Variants in FAM151B observed in about 807,000 individuals in gnomAD.
FAM151B encodes the protein protein FAM151B.
In FAM151B, 24 loss-of-function variants were observed where a neutral mutation model predicts 31.2. That is an observed-to-expected ratio of 0.77 (90% CI 0.56 to 1.08). The LOEUF is 1.08. Ranked by LOEUF, FAM151B falls within the 50% of genes least tolerant of loss-of-function variation. The pLI, the probability that FAM151B is intolerant of heterozygous loss-of-function variation, is 0.00. For missense variants in FAM151B, 293 were observed against 328.6 expected (o/e 0.89, Z 0.84); for synonymous variants, 105 against 111.4 (o/e 0.94, Z 0.36).
intron 2 of FAM151B, among the ~76,000 whole-genome samples, chr5:80,504,835 T>C (rs939770483): frequency 6.6e-6 from 1 of 152,106 alleles, no homozygotes; most frequent in Non-Finnish European, 1.5e-5. Flanking sequence ...TTTGTGCCCC[T>C]TTATAACCAC....
intron 5 of FAM151B, among the ~76,000 whole-genome samples, chr5:80,538,449 TC>T (rs1189001383): frequency 7.0e-5 from 2 of 28,676 alleles, no homozygotes; most frequent in African/African-American, 3.7e-4. Flanking sequence ...TCTTTCTTTC[TC>T]TTTCTTTCTT....
chr5:80,498,212 G>T (rs534268272), intron 1 of FAM151B, among the ~76,000 whole-genome samples: 22 of 152,192 alleles, frequency 1.4e-4, no homozygotes, highest in African/African-American at 5.1e-4. Flanking sequence ...TGATGGCCAT[G>T]TGTTGCCATC....
chr5:80,522,416 T>G (rs1744761496), intron 5 of FAM151B: 2 of 267,604 alleles, frequency 7.5e-6, no homozygotes. Flanking sequence ...TCATTATATA[T>G]TCACAAAAAA....
intron 1 of FAM151B, among the ~76,000 whole-genome samples, 165 bp downstream of exon 1, chr5:80,488,313 C>T (rs1743190327): frequency 6.6e-6 from 1 of 152,344 alleles, no homozygotes; most frequent in Admixed American, 6.5e-5. Context: ...GCACTCGGGG[C>T]GCGCCCGCGA....
chr5:80,503,163 A>G (rs1004955318), intron 2 of FAM151B, among the ~76,000 whole-genome samples: 1 of 152,244 alleles, frequency 6.6e-6, no homozygotes, highest in African/African-American at 2.4e-5. Flanking sequence ...AATGAAAAAA[A>G]TGATAGGAAA....
intron 2 of FAM151B, among the ~76,000 whole-genome samples, chr5:80,502,704 A>G (rs1381745881): frequency 6.6e-6 from 1 of 152,244 alleles, no homozygotes; most frequent in Non-Finnish European, 1.5e-5. Flanking sequence ...ATCTGGTCCA[A>G]CAAGAAATTA....
chr5:80,508,481 G>T (rs1744065972), intron 2 of FAM151B, among the ~76,000 whole-genome samples: 1 of 151,820 alleles, frequency 6.6e-6, no homozygotes, highest in South Asian at 2.1e-4. Flanking sequence ...AAGTGTATAT[G>T]AATTGGTATC....
At chr5:80,526,840 A>G (rs1400124118) in intron 5 of FAM151B, among the ~76,000 whole-genome samples, 4 of 152,070 alleles carry the variant, frequency 2.6e-5, no homozygotes, top group African/African-American at 9.7e-5. Context: ...TTGCCACACC[A>G]AAAGATGAGG....
intron 5 of FAM151B, among the ~76,000 whole-genome samples, chr5:80,538,446 T>TTCTC (rs200507737): frequency 4.1e-5 from 2 of 48,502 alleles, no homozygotes; most frequent in Middle Eastern, 9.6e-3. Flanking sequence ...CTTTCTTTCT[T>TTCTC]TCTCTTTCTT....
At chr5:80,538,399 T>C (rs1449300951) in intron 5 of FAM151B, among the ~76,000 whole-genome samples, 2 of 51,398 alleles carry the variant, frequency 3.9e-5, no homozygotes, top group African/African-American at 2.1e-4. Context: ...TTTCTTTCTT[T>C]CTTTCTTTCT....
chr5:80,528,768 A>G (rs1745087427), intron 5 of FAM151B, among the ~76,000 whole-genome samples: 1 of 151,982 alleles, frequency 6.6e-6, no homozygotes, highest in African/African-American at 2.4e-5. Flanking sequence ...AGAGACTTAG[A>G]TTCCCACACA....
Position 80,538,432 on chromosome 5 carries a change from CT to C in FAM151B, c.672-3238del, listed in dbSNP as rs1246846175. On this transcript the variant is annotated intron_variant, in intron 5 of 5. Coordinates refer to ENST00000282226, the MANE Select transcript of FAM151B (RefSeq NM_205548.3). Reference sequence around the variant, plus strand: ...TCTTTCTTTCTTTCTTTCTTTCTTTCTTTCTTTCTTTCTTTCTCTTTCTTTC... The same window carrying C: ...TCTTTCTTTCTTTCTTTCTTTCTTTCTTCTTTCTTTCTTTCTCTTTCTTTC... Among the ~76,000 whole-genome samples, 25 of 58,792 alleles carry C rather than the reference CT, an allele frequency of 4.3e-4. 1 individual carries two copies. Among genetic ancestry groups the C allele is most frequent in the African/African-American group, 2.3e-3 (25 of 11,104 alleles). The allele number at this position is 58,792 out of a possible 152,430, so 38.6% of individuals were successfully genotyped here.
chr5:80,528,531 A>G lies in FAM151B; in HGVS notation c.671+6393A>G, dbSNP rs1310345154. ...TGAAAAGGATGGAAAAAGATATTCCATGCCAATGGAAACCAAAAAAGAGCA... is the reference window on the plus strand; with the variant it reads ...TGAAAAGGATGGAAAAAGATATTCCGTGCCAATGGAAACCAAAAAAGAGCA... On this transcript the variant is annotated intron_variant, in intron 5 of 5. Coordinates refer to ENST00000282226, the MANE Select transcript of FAM151B (RefSeq NM_205548.3). Among the ~76,000 whole-genome samples, 6 of 152,164 alleles carry G rather than the reference A, an allele frequency of 3.9e-5. No individual in the cohort carries two copies. In the South Asian group the frequency reaches 1.2e-3, roughly 32 times the overall value.
intron 5 of FAM151B, among the ~76,000 whole-genome samples, chr5:80,536,325 C>T (rs1561382053): frequency 6.6e-6 from 1 of 151,054 alleles, no homozygotes; most frequent in Admixed American, 6.6e-5. Flanking sequence ...CGCCCGCCAC[C>T]AAGTCCAGCT....
chr5:80,499,379 T>C (rs1413905211), intron 1 of FAM151B, among the ~76,000 whole-genome samples: 1 of 152,214 alleles, frequency 6.6e-6, no homozygotes, highest in African/African-American at 2.4e-5. Context: ...GATAAACTTA[T>C]GAATGCTAAT....
chr5:80,501,038 G>T (rs1743721137), intron 1 of FAM151B: 1 of 493,820 alleles, frequency 2.0e-6, no homozygotes. Context: ...TTTTGAGACA[G>T]AGTCTCACTC....
intron 5 of FAM151B, among the ~76,000 whole-genome samples, chr5:80,525,122 C>T (rs1744901874): frequency 6.6e-6 from 1 of 152,124 alleles, no homozygotes; most frequent in Admixed American, 6.5e-5. Context: ...GTGTCAAGTA[C>T]CACCTCAATC....
At chr5:80,537,720 A>G (rs1745582272) in intron 5 of FAM151B, among the ~76,000 whole-genome samples, 1 of 152,188 alleles carries the variant, frequency 6.6e-6, no homozygotes. Context: ...CCTTGTGTCT[A>G]GTTAGAATTC....
intron 5 of FAM151B, among the ~76,000 whole-genome samples, chr5:80,527,545 C>T (rs1182214001): frequency 3.3e-5 from 5 of 152,146 alleles, no homozygotes; most frequent in Non-Finnish European, 5.9e-5. Context: ...TGTTTCTAGG[C>T]TACAAACTTG....
Sources: allele counts gnomAD v4.1 joint callset (sites outside exome capture counted in the v4.1 genomes callset), GRCh38; gene constraint gnomAD v4.1.1; transcripts MANE v1.5; gene names NCBI Gene and HGNC (gene_info 2026-07-23, HGNC 2026-07-21).